MPPED1: variants seen among roughly 807,000 people sequenced by gnomAD.
The protein encoded by MPPED1 is metallophosphoesterase domain containing 1, also known as metallophosphoesterase domain-containing protein 1.
In MPPED1, 16 loss-of-function variants were observed where a neutral mutation model predicts 36.2. The observed-to-expected ratio is 0.44, with a 90% confidence interval of 0.30 to 0.67. The LOEUF is 0.67. Ranked by LOEUF, MPPED1 falls within the 30% of genes least tolerant of loss-of-function variation. The pLI, the probability that MPPED1 is intolerant of heterozygous loss-of-function variation, is 0.10. For missense variants in MPPED1, 307 were observed against 453.4 expected (o/e 0.68, Z 2.93); for synonymous variants, 199 against 191.3 (o/e 1.04, Z -0.33).
chr22:43,418,144 G>A (rs1345222349), intron 1 of MPPED1: 5 of 456,150 alleles, frequency 1.1e-5, no homozygotes, highest in Admixed American at 2.3e-5. Flanking sequence ...CTGCCTTACC[G>A]GCCTGGCACT....
At chr22:43,464,325 G>GTGTGTGTGTT in intron 3 of MPPED1, among the ~76,000 whole-genome samples, 1 of 146,544 alleles carries the variant, frequency 6.8e-6, no homozygotes, top group East Asian at 1.9e-4. Context: ...GTGTGTGTGT[G>GTGTGTGTGTT]TGTGTGTGTG....
intron 4 of MPPED1, among the ~76,000 whole-genome samples, chr22:43,483,569 G>T (rs73170006): frequency 0.034 from 5,125 of 152,382 alleles, 98 homozygotes; most frequent in South Asian, 0.051. Flanking sequence ...TTCTGACCTG[G>T]AGTCCTTTGC....
intron 3 of MPPED1, among the ~76,000 whole-genome samples, chr22:43,437,177 A>T (rs1329901880): frequency 6.6e-6 from 1 of 152,180 alleles, no homozygotes; most frequent in African/African-American, 2.4e-5. Context: ...ACAAAGCGAG[A>T]CACCTTGGTT....
intron 3 of MPPED1, 38 bp downstream of exon 3, chr22:43,435,253 G>T: frequency 6.4e-7 from 1 of 1,568,320 alleles, no homozygotes; most frequent in African/African-American, 1.3e-5. Context: ...GCTGTGCTGA[G>T]CAGGAAGGGG....
At chr22:43,437,090 G>A (rs1016638728) in intron 3 of MPPED1, among the ~76,000 whole-genome samples, 1 of 152,220 alleles carries the variant, frequency 6.6e-6, no homozygotes, top group Non-Finnish European at 1.5e-5. Context: ...GACTGAGGGA[G>A]GAGGAGCATT....
intron 3 of MPPED1, among the ~76,000 whole-genome samples, chr22:43,471,189 C>T (rs1052929802): frequency 2.0e-5 from 3 of 152,378 alleles, no homozygotes; most frequent in East Asian, 1.9e-4. Context: ...TTCAGTAACA[C>T]CCCCAGTCAA....
intron 2 of MPPED1, among the ~76,000 whole-genome samples, chr22:43,428,605 G>A (rs552489051): frequency 1.3e-5 from 2 of 152,282 alleles, no homozygotes; most frequent in East Asian, 3.9e-4. Context: ...CCGGGGTGAG[G>A]GAGCGATGGA....
chr22:43,507,207 A>G lies in MPPED1; in HGVS notation c.*1591A>G, dbSNP rs1208332486. 1 of 152,180 alleles carries G rather than the reference A, an allele frequency of 6.6e-6. No homozygotes were observed. Among genetic ancestry groups the G allele is most frequent in the East Asian group, 1.9e-4 (1 of 5,186 alleles). 9.4% of individuals were successfully genotyped at this position (152,180 alleles called of 1,614,324 possible). A position where few individuals can be genotyped will look rare whatever the true frequency, so the allele number is the denominator to read the frequency against. On this transcript the variant is annotated 3_prime_UTR_variant, in exon 7 of 7. Transcript: ENST00000443721. ...GCCTCACTGCCCTCACTTTGCCATG[A>G]CCCGAAGTTATGTCCCTACAAAGCA...
chr22:43,454,905 G>GC (rs1930699341), intron 3 of MPPED1, among the ~76,000 whole-genome samples: 1 of 152,170 alleles, frequency 6.6e-6, no homozygotes, highest in Non-Finnish European at 1.5e-5. Flanking sequence ...CATTGATACT[G>GC]TGTTGGTTTG....
At chr22:43,466,421 C>T (rs1235547876) in intron 3 of MPPED1, among the ~76,000 whole-genome samples, 1 of 152,228 alleles carries the variant, frequency 6.6e-6, no homozygotes, top group African/African-American at 2.4e-5. Flanking sequence ...CCTCAGTTCT[C>T]ATCTCCAGCT....
intron 4 of MPPED1, among the ~76,000 whole-genome samples, chr22:43,497,057 A>ATGGTGG (rs1569090198): frequency 1.4e-4 from 4 of 29,116 alleles, no homozygotes; most frequent in Non-Finnish European, 2.9e-4. Flanking sequence ...GGTGGTGGAG[A>ATGGTGG]TGGTGGTGGT....
intron 3 of MPPED1, among the ~76,000 whole-genome samples, chr22:43,445,287 G>A (rs1314414025): frequency 6.6e-6 from 1 of 152,084 alleles, no homozygotes; most frequent in East Asian, 1.9e-4. Flanking sequence ...GCCCATTTCT[G>A]TCATTCATTT....
chr22:43,422,069 C>T (rs950798319), intron 1 of MPPED1, among the ~76,000 whole-genome samples: 7 of 152,176 alleles, frequency 4.6e-5, no homozygotes, highest in African/African-American at 1.7e-4. Context: ...GACATCCGGG[C>T]TCTTCCTGGG....
intron 4 of MPPED1, among the ~76,000 whole-genome samples, chr22:43,483,753 G>T (rs529357683): frequency 9.2e-4 from 140 of 152,312 alleles, no homozygotes; most frequent in African/African-American, 3.2e-3. Flanking sequence ...TGGCTTAGGG[G>T]GTGTAGCCCA....
At chr22:43,473,893 A>G (rs994979383) in intron 3 of MPPED1, among the ~76,000 whole-genome samples, 2 of 152,224 alleles carry the variant, frequency 1.3e-5, no homozygotes, top group Admixed American at 1.3e-4. Flanking sequence ...CCAGAGAGAG[A>G]AAGATGTGTA....
chr22:43,450,585 C>T (rs935296474), intron 3 of MPPED1, among the ~76,000 whole-genome samples: 6 of 152,128 alleles, frequency 3.9e-5, no homozygotes, highest in Admixed American at 1.3e-4. Flanking sequence ...AGTGAGGCAG[C>T]GGGTGATCTG....
At chr22:43,419,582 G>GT (rs1555897458) in intron 1 of MPPED1, among the ~76,000 whole-genome samples, 3 of 151,820 alleles carry the variant, frequency 2.0e-5, no homozygotes, top group Non-Finnish European at 4.4e-5. Context: ...GAGGTGCTGA[G>GT]TTCACCTGAG....
At chr22:43,505,404 C>A in intron 6 of MPPED1, 94 bp from the exon 7 acceptor site, 1 of 1,105,146 alleles carries the variant, frequency 9.0e-7, no homozygotes. Flanking sequence ...ACACATTCAG[C>A]CCACAGGGGC....
At chr22:43,434,554 C>A (rs1483728890) in intron 2 of MPPED1, among the ~76,000 whole-genome samples, 2 of 152,314 alleles carry the variant, frequency 1.3e-5, no homozygotes, top group Non-Finnish European at 2.9e-5. Context: ...CTGTCTAAAG[C>A]AGAGGTGGAT....
Sources: gnomAD v4.1 joint callset for allele counts (sites outside exome capture counted in the v4.1 genomes callset) on GRCh38, gnomAD v4.1.1 for gene constraint, MANE v1.5 for transcripts, NCBI Gene and HGNC (gene_info 2026-07-23, HGNC 2026-07-21) for gene names.